Variants in TRIM9 observed in about 807,000 individuals in gnomAD.
TRIM9 encodes E3 ubiquitin-protein ligase TRIM9.
TRIM9 carries 26 observed loss-of-function variants against 78.3 expected under a neutral mutation model. The observed-to-expected ratio is 0.33, with a 90% CI of 0.24 to 0.46. The LOEUF (loss-of-function observed/expected upper bound fraction) is 0.46, where lower values mean the gene tolerates loss of function less well. Among genes scored for constraint, TRIM9 ranks in the 20% least tolerant of loss-of-function variants. TRIM9 has a pLI of 1.00. For synonymous variants in TRIM9, 398 were observed against 416.5 expected (o/e 0.96, Z 0.54); for missense variants, 787 against 1,036.4 (o/e 0.76, Z 3.30).
At chr14:51,029,970 T>C (rs1303812768) in intron 1 of TRIM9, among the ~76,000 whole-genome samples, 2 of 152,176 alleles carry the variant, frequency 1.3e-5, no homozygotes, top group Non-Finnish European at 2.9e-5. Context: ...ATGACTATGA[T>C]TGATTATGAG....
intron 3 of TRIM9, among the ~76,000 whole-genome samples, chr14:51,022,416 G>A (rs551504969): frequency 6.6e-6 from 1 of 152,282 alleles, no homozygotes; most frequent in Admixed American, 6.5e-5. Flanking sequence ...CATGCTTTTG[G>A]ACTTCCCAGT....
At chr14:51,064,439 C>T (rs75132764) in intron 1 of TRIM9, among the ~76,000 whole-genome samples, 3,811 of 151,220 alleles carry the variant, frequency 0.025, 166 homozygotes, top group African/African-American at 0.088. Flanking sequence ...GACTAGCAGA[C>T]GGAATAAATA....
chr14:50,981,476 C>G (rs2051889155), intron 11 of TRIM9, among the ~76,000 whole-genome samples: 1 of 152,086 alleles, frequency 6.6e-6, no homozygotes, highest in African/African-American at 2.4e-5. Flanking sequence ...CCCAAAAGTG[C>G]TTTTCTGTTA....
At chr14:51,088,551 T>A (rs1159614254) in intron 1 of TRIM9, among the ~76,000 whole-genome samples, 1 of 151,938 alleles carries the variant, frequency 6.6e-6, no homozygotes, top group Non-Finnish European at 1.5e-5. Flanking sequence ...AACAAACAAA[T>A]CAATTATTGG....
chr14:51,053,141 C>T lies in TRIM9; in HGVS notation c.823-27781G>A, dbSNP rs547804086. Among the ~76,000 whole-genome samples, 95 of 137,068 alleles carry T rather than the reference C, an allele frequency of 6.9e-4. No homozygotes were observed. In the South Asian group the frequency reaches 0.022, roughly 32 times the overall value. The allele number at this position is 137,068 out of a possible 152,430, so 89.9% of individuals were successfully genotyped here. A position where few individuals can be genotyped will look rare whatever the true frequency, so the allele number is the denominator to read the frequency against. Reference sequence around the variant, plus strand: ...TGCCACTGCATTCCAGCCTGGGTGACAGAGAGAGACCCTGTTTCAAAAAAA... The same window carrying T: ...TGCCACTGCATTCCAGCCTGGGTGATAGAGAGAGACCCTGTTTCAAAAAAA... On this transcript the variant is annotated intron_variant, in intron 1 of 12. Coordinates refer to ENST00000684578, the MANE Select transcript of TRIM9 (RefSeq NM_001387360.1).
chr14:51,051,578 G>C (rs986022728), intron 1 of TRIM9, among the ~76,000 whole-genome samples: 7 of 152,130 alleles, frequency 4.6e-5, no homozygotes, highest in Non-Finnish European at 8.8e-5. Context: ...TGTTATTGTG[G>C]GTGTAATTAG....
At chr14:51,070,735 C>A (rs1419223245) in intron 1 of TRIM9, among the ~76,000 whole-genome samples, 1 of 152,090 alleles carries the variant, frequency 6.6e-6, no homozygotes, top group African/African-American at 2.4e-5. Context: ...AGTGGATAAA[C>A]CAAAGATAGA....
chr14:51,003,808 T>A (rs1405854842), intron 5 of TRIM9, among the ~76,000 whole-genome samples: 1 of 152,212 alleles, frequency 6.6e-6, no homozygotes, highest in Non-Finnish European at 1.5e-5. Flanking sequence ...TTCCTCCATG[T>A]GCTGAGAATT....
At chr14:50,991,237 T>C (rs939888623) in intron 7 of TRIM9, among the ~76,000 whole-genome samples, 7 of 152,170 alleles carry the variant, frequency 4.6e-5, no homozygotes, top group African/African-American at 1.7e-4. Flanking sequence ...CTTTCCAGGG[T>C]ATCAGTTGCA....
intron 1 of TRIM9, among the ~76,000 whole-genome samples, chr14:51,069,843 C>T (rs1026874219): frequency 6.6e-6 from 1 of 152,152 alleles, no homozygotes; most frequent in South Asian, 2.1e-4. Context: ...TTATCTTTCT[C>T]AAGGTGGAAA....
At chr14:51,026,565 C>G (rs947612169) in intron 1 of TRIM9, among the ~76,000 whole-genome samples, 16 of 152,112 alleles carry the variant, frequency 1.1e-4, no homozygotes, top group African/African-American at 3.9e-4. Flanking sequence ...AGCCTATTCT[C>G]CTTGCCAACA....
At chr14:51,050,498 T>A (rs564569008) in intron 1 of TRIM9, among the ~76,000 whole-genome samples, 3 of 152,276 alleles carry the variant, frequency 2.0e-5, no homozygotes, top group South Asian at 2.1e-4. Context: ...TTTTTCTTTA[T>A]AAATTACCCA....
intron 7 of TRIM9, among the ~76,000 whole-genome samples, chr14:50,995,130 G>T (rs80225303): frequency 0.01 from 1,592 of 152,196 alleles, 30 homozygotes; most frequent in African/African-American, 0.037. Context: ...GGGATTACAG[G>T]CATGAGCTAC....
At chr14:51,076,864 G>A (rs2062828685) in intron 1 of TRIM9, among the ~76,000 whole-genome samples, 1 of 152,182 alleles carries the variant, frequency 6.6e-6, no homozygotes, top group Admixed American at 6.5e-5. Context: ...CCCCTCAGTT[G>A]TGTTGCCTGA....
intron 7 of TRIM9, chr14:50,997,817 A>G (rs2054419743): frequency 1.4e-6 from 2 of 1,380,258 alleles, no homozygotes. Flanking sequence ...TTATCAAAGG[A>G]AGCCGCCGGC....
intron 2 of TRIM9, among the ~76,000 whole-genome samples, chr14:51,023,815 G>C (rs1372688698): frequency 6.6e-6 from 1 of 152,088 alleles, no homozygotes; most frequent in Non-Finnish European, 1.5e-5. Context: ...TCACATATAC[G>C]TTAGTAATAC....
intron 1 of TRIM9, among the ~76,000 whole-genome samples, chr14:51,093,134 G>A (rs1250952660): frequency 6.6e-6 from 1 of 152,198 alleles, no homozygotes; most frequent in East Asian, 1.9e-4. Context: ...AGGTCATGTA[G>A]GACAGGCTGA....
intron 9 of TRIM9, 107 bp from the exon 10 acceptor site, chr14:50,983,072 A>T (rs772935234): frequency 2.8e-6 from 3 of 1,084,586 alleles, no homozygotes; most frequent in Non-Finnish European, 4.1e-6. Flanking sequence ...AAAAGGACTC[A>T]ATTTAAAATG....
chr14:51,037,436 A>G (rs1358133787), intron 1 of TRIM9, among the ~76,000 whole-genome samples: 3 of 152,076 alleles, frequency 2.0e-5, no homozygotes, highest in Non-Finnish European at 4.4e-5. Flanking sequence ...AACAAAAACA[A>G]AAACAAAAAC....
Sources: allele counts gnomAD v4.1 joint callset (sites outside exome capture counted in the v4.1 genomes callset), GRCh38; gene constraint gnomAD v4.1.1; transcripts MANE v1.5; gene names NCBI Gene and HGNC (gene_info 2026-07-23, HGNC 2026-07-21).